The following DUSP22 variants were observed in gnomAD, a reference collection of about 807,000 sequenced individuals.
DUSP22 encodes dual specificity phosphatase 22.
DUSP22 carries 24 observed loss-of-function variants against 24.5 expected under a neutral mutation model. The observed-to-expected ratio is 0.98, with a 90% CI of 0.71 to 1.38. DUSP22 has a LOEUF of 1.38. Ranked by LOEUF, DUSP22 falls within the 40% of genes most tolerant of loss-of-function variation. DUSP22 has a pLI of 0.00. For synonymous variants in DUSP22, 160 were observed against 106.4 expected (o/e 1.50, Z -3.10); for missense variants, 330 against 269.2 (o/e 1.23, Z -1.58).
chr6:341,308 T>G (rs1483562766), intron 4 of DUSP22, among the ~76,000 whole-genome samples: 1 of 152,308 alleles, frequency 6.6e-6, no homozygotes, highest in East Asian at 1.9e-4. Context: ...AGGGAACTTG[T>G]GTTCATCGAA....
Position 349,269 on chromosome 6 carries a change from G to A in DUSP22, c.*318G>A, listed in dbSNP as rs1347066652. ...TGGATGCATGTGTGTGCCTGTGTGAGTGAGGGTATGTGCACCTAAGTGTGT... is the reference window on the plus strand; with the variant it reads ...TGGATGCATGTGTGTGCCTGTGTGAATGAGGGTATGTGCACCTAAGTGTGT... On this transcript the variant is annotated 3_prime_UTR_variant, in exon 7 of 7. Transcript: ENST00000419235. 5 of 1,312,950 alleles carry A rather than the reference G, an allele frequency of 3.8e-6. No homozygotes were observed. Among genetic ancestry groups the A allele is most frequent in the Non-Finnish European group, 3.9e-6 (4 of 1,025,366 alleles). 81.3% of individuals were successfully genotyped at this position (1,312,950 alleles called of 1,614,324 possible).
At chr6:345,305 G>T (rs1490386862) in intron 4 of DUSP22, among the ~76,000 whole-genome samples, 1 of 152,270 alleles carries the variant, frequency 6.6e-6, no homozygotes, top group Non-Finnish European at 1.5e-5. Flanking sequence ...TGCCTCCTGG[G>T]TTCAAGAAAT....
At chr6:341,896 G>T (rs561622556) in intron 4 of DUSP22, among the ~76,000 whole-genome samples, 17 of 152,428 alleles carry the variant, frequency 1.1e-4, no homozygotes, top group Non-Finnish European at 1.6e-4. Context: ...GTGCCAGGCT[G>T]AGCACACTCC....
At chr6:332,673 A>G (rs1424704170) in intron 3 of DUSP22, among the ~76,000 whole-genome samples, 5 of 142,876 alleles carry the variant, frequency 3.5e-5, no homozygotes, top group African/African-American at 5.3e-5. Flanking sequence ...TCCTCTTGAT[A>G]TATAGACTAG....
chr6:314,997 C>T (rs1221036602), intron 3 of DUSP22, among the ~76,000 whole-genome samples: 1 of 152,304 alleles, frequency 6.6e-6, no homozygotes, highest in African/African-American at 2.4e-5. Flanking sequence ...ATCAGGCCTT[C>T]AGAGTGGCTG....
At chr6:332,302 G>T (rs1759174891) in intron 3 of DUSP22, among the ~76,000 whole-genome samples, 1 of 152,308 alleles carries the variant, frequency 6.6e-6, no homozygotes, top group South Asian at 2.1e-4. Flanking sequence ...CTCTTCAGAG[G>T]ATTCACAGAT....
intron 1 of DUSP22, among the ~76,000 whole-genome samples, chr6:298,697 A>G (rs1757447805): frequency 6.6e-6 from 1 of 152,306 alleles, no homozygotes; most frequent in Non-Finnish European, 1.5e-5. Context: ...GTCTATGCCC[A>G]GACGGTCTTG....
intron 3 of DUSP22, among the ~76,000 whole-genome samples, chr6:313,961 G>T (rs1172439963): frequency 6.6e-6 from 1 of 152,308 alleles, no homozygotes; most frequent in Non-Finnish European, 1.5e-5. Context: ...GCAGTCTTCT[G>T]TCTTGAGTTT....
In DUSP22 at chr6:350,413, C is replaced by A. The variant is rs540155491; in HGVS notation, c.*1462C>A. On this transcript the variant is annotated 3_prime_UTR_variant, in exon 7 of 7. Transcript: ENST00000419235. ...CACTCGAATGAAAAAACATACTCGACCTCTCCCTAAAAAGATGTTGCAACC... is the reference window on the plus strand; with the variant it reads ...CACTCGAATGAAAAAACATACTCGAACTCTCCCTAAAAAGATGTTGCAACC... The A allele has an allele frequency of 1.2e-5, 13 of 1,107,768 alleles. No homozygotes were observed. The highest frequency in any genetic ancestry group is 4.9e-5 in the South Asian group (2 of 41,152). The allele number at this position is 1,107,768 out of a possible 1,614,324, so 68.6% of individuals were successfully genotyped here. A position where few individuals can be genotyped will look rare whatever the true frequency, so the allele number is the denominator to read the frequency against.
chr6:316,734 C>G (rs1272540194), intron 3 of DUSP22, among the ~76,000 whole-genome samples: 3 of 152,300 alleles, frequency 2.0e-5, no homozygotes, highest in African/African-American at 7.2e-5. Context: ...GGAAACAAAA[C>G]TATTTCTCAC....
At chr6:303,361 G>A (rs1757671228) in intron 1 of DUSP22, among the ~76,000 whole-genome samples, 1 of 152,302 alleles carries the variant, frequency 6.6e-6, no homozygotes, top group Non-Finnish European at 1.5e-5. Flanking sequence ...CCCTTGGCTG[G>A]TTGTCCCTCT....
intron 4 of DUSP22, among the ~76,000 whole-genome samples, chr6:338,576 A>G (rs1244732220): frequency 6.6e-6 from 1 of 152,310 alleles, no homozygotes; most frequent in African/African-American, 2.4e-5. Context: ...AAGCAAAAGA[A>G]GTCTTACCTG....
At chr6:306,113 C>G (rs1163287374) in intron 2 of DUSP22, among the ~76,000 whole-genome samples, 2 of 152,296 alleles carry the variant, frequency 1.3e-5, no homozygotes. Flanking sequence ...AGCAGCAAAC[C>G]CTTTGTGGTG....
At chr6:304,156 CAG>C (rs1369738305) in intron 1 of DUSP22, among the ~76,000 whole-genome samples, 2 of 152,312 alleles carry the variant, frequency 1.3e-5, no homozygotes, top group African/African-American at 4.8e-5. Flanking sequence ...CATCGCCACA[CAG>C]GGGACATAGA....
At chr6:318,945 G>A (rs1291656593) in intron 3 of DUSP22, among the ~76,000 whole-genome samples, 1 of 152,292 alleles carries the variant, frequency 6.6e-6, no homozygotes. Flanking sequence ...GTTATAGGAT[G>A]ATACCCATCA....
In DUSP22 at chr6:350,802, G is replaced by T; in HGVS notation, c.*1851G>T. ...AATGTTGTTTTAATATTTGTTGCCA[G>T]TAATGTTCTTTCTTCACAGCCGCTC... is the stretch of plus-strand genomic sequence containing the variant. On this transcript the variant is annotated 3_prime_UTR_variant, in exon 7 of 7. Transcript: ENST00000419235. 6.2e-7 allele frequency: 1 copy of T among 1,614,232 alleles called. No homozygotes were observed. Among genetic ancestry groups the T allele is most frequent in the South Asian group, 1.1e-5 (1 of 91,086 alleles).
intron 1 of DUSP22, among the ~76,000 whole-genome samples, chr6:293,849 C>G (rs572436826): frequency 1.6e-5 from 2 of 127,508 alleles, no homozygotes; most frequent in Non-Finnish European, 3.1e-5. Flanking sequence ...AACAGACTGT[C>G]TCTCTCTTGG....
chr6:294,321 C>CAT (rs1163079075), intron 1 of DUSP22, among the ~76,000 whole-genome samples: 2 of 152,158 alleles, frequency 1.3e-5, no homozygotes, highest in Non-Finnish European at 2.9e-5. Flanking sequence ...TGATTATGTA[C>CAT]ATACTATGAG....
chr6:304,478 T>A (rs1757730411), intron 1 of DUSP22, 150 bp from the exon 2 acceptor site: 1 of 1,187,464 alleles, frequency 8.4e-7, no homozygotes, highest in East Asian at 2.4e-5. Flanking sequence ...CCGCTGGGGA[T>A]GTTGGGTCAC....
Sources: allele counts gnomAD v4.1 joint callset (sites outside exome capture counted in the v4.1 genomes callset), GRCh38; gene constraint gnomAD v4.1.1; transcripts MANE v1.5; gene names NCBI Gene and HGNC (gene_info 2026-07-23, HGNC 2026-07-21).